The following DNAH9 variants were observed in gnomAD, a reference collection of about 807,000 sequenced individuals.
DNAH9 encodes DNAH9 variant protein.
Under a neutral mutation model 471.6 loss-of-function variants are expected in DNAH9, and 345 were observed. That is an observed-to-expected ratio of 0.73 (90% CI 0.67 to 0.80). DNAH9 has a LOEUF of 0.80. DNAH9 is among the 30% of genes least tolerant of loss of function. The pLI, the probability that DNAH9 is intolerant of heterozygous loss-of-function variation, is 0.00. For missense variants in DNAH9, 5,407 were observed against 5,609.2 expected (o/e 0.96, Z 1.15); for synonymous variants, 2,093 against 2,123.6 (o/e 0.99, Z 0.40).
chr17:11,659,969 A>T (rs1236076785), intron 14 of DNAH9, among the ~76,000 whole-genome samples: 6 of 152,230 alleles, frequency 3.9e-5, no homozygotes, highest in Non-Finnish European at 8.8e-5. Context: ...TTCATTCCTA[A>T]TATTGGCAAT....
intron 5 of DNAH9, among the ~76,000 whole-genome samples, chr17:11,618,547 C>T (rs1204547816): frequency 6.8e-6 from 1 of 148,104 alleles, no homozygotes; most frequent in Non-Finnish European, 1.5e-5. Flanking sequence ...GATTGTGCCA[C>T]TGCACTCCAG....
In DNAH9 at chr17:11,929,970, A is replaced by G. The variant is rs2286303; in HGVS notation, c.11982A>G (p.Pro3994=). The G allele has an allele frequency of 0.3, 491,223 of 1,613,536 alleles. 77,602 individuals are homozygous for G. Among genetic ancestry groups the G allele is most frequent in the Middle Eastern group, 0.34 (2,083 of 6,062 alleles). Residue 3994 remains proline, a synonymous_variant, in exon 63 of 69, where the codon CCA becomes CCG. Transcript: ENST00000262442. ...TCAGGGTCTTCATGAGTGCAGAGCCAGCACCCTCCCCTGAGGGCCACATCA... is the reference window on the plus strand; with the variant it reads ...TCAGGGTCTTCATGAGTGCAGAGCCGGCACCCTCCCCTGAGGGCCACATCA... ...PEFRVFMSAE[P]APSPEGHIIP...
chr17:11,685,810 T>TC (rs1264384455), intron 19 of DNAH9, among the ~76,000 whole-genome samples: 1 of 148,976 alleles, frequency 6.7e-6, no homozygotes, highest in Non-Finnish European at 1.5e-5. Context: ...AATTTTTTTT[T>TC]TTTTTTTTTT....
intron 48 of DNAH9, among the ~76,000 whole-genome samples, chr17:11,824,110 C>T (rs1347458270): frequency 1.3e-5 from 2 of 152,168 alleles, no homozygotes; most frequent in Non-Finnish European, 2.9e-5. Flanking sequence ...CCATCAAATA[C>T]TGCCTCTTTG....
rs910803968 is a variant in DNAH9 at position 11,692,124 on chromosome 17, T to C, written c.4614+1688T>C. Among the ~76,000 whole-genome samples, 6 of 152,118 alleles carry C rather than the reference T, an allele frequency of 3.9e-5. No individual in the cohort carries two copies. In the South Asian group the frequency reaches 6.2e-4, roughly 16 times the overall value. On this transcript the variant is annotated intron_variant, in intron 20 of 68. Coordinates refer to ENST00000262442, the MANE Select transcript of DNAH9 (RefSeq NM_001372.4). ...CCTACCCTCTTGTTTTTAGGTCTTC[T>C]TGGGCAAGGGGCAGGATCACAGAGG...
chr17:11,866,439 C>T (rs1226509317), intron 50 of DNAH9, among the ~76,000 whole-genome samples: 1 of 152,176 alleles, frequency 6.6e-6, no homozygotes, highest in Non-Finnish European at 1.5e-5. Context: ...TGGGGGGTGC[C>T]TCCCAGTTAG....
At chr17:11,615,151 C>G (rs1489153550) in intron 4 of DNAH9, among the ~76,000 whole-genome samples, 2 of 152,134 alleles carry the variant, frequency 1.3e-5, no homozygotes, top group Non-Finnish European at 2.9e-5. Flanking sequence ...GGTAGGAATA[C>G]TGGGAATATT....
At chr17:11,934,435 ATTTTTTTTTT>A (rs547023975) in intron 65 of DNAH9, among the ~76,000 whole-genome samples, 1,116 of 86,010 alleles carry the variant, frequency 0.013, 14 homozygotes, top group Non-Finnish European at 0.015. Context: ...TGACAAACCC[ATTTTTTTTTT>A]TTTTTTTTTT....
At position 11,818,298 on chromosome 17, in the gene DNAH9, G is replaced by A. The variant is rs144262935; in HGVS notation, c.8708-3622G>A. 9.0e-3 allele frequency among the ~76,000 whole-genome samples: 1,367 copies of A among 152,166 alleles called. 29 individuals are homozygous for A. Among genetic ancestry groups the A allele is most frequent in the African/African-American group, 0.031 (1,301 of 41,512 alleles). ...ACGAAAATTAGCTGGGCATGGTGGT[G>A]TGCACCTGTAGTCCCAGCTACCTGG... On this transcript the variant is annotated intron_variant, in intron 45 of 68. Transcript: ENST00000262442.
chr17:11,822,868 A>C lies in DNAH9; in HGVS notation c.9080A>C (p.Gln3027Pro). Residue 3027 changes from glutamine to proline, a missense_variant, in exon 48 of 69, where the codon CAG (glutamine) becomes CCG (proline). Around this residue, in one of 3 missense-constraint regions of DNAH9, gnomAD observed 4,636 missense variants for 4,900.3 expected, o/e 0.95. Coordinates refer to ENST00000262442, the MANE Select transcript of DNAH9 (RefSeq NM_001372.4). The part of the protein sequence containing the change: ...FVHTSVNQTS[Q>P]SYLSNEQRYN... ...CACACAAGTGTCAACCAAACATCCC[A>C]GTCTTATCTGAGCAATGAACAGCGC... The C allele has an allele frequency of 6.2e-7, 1 of 1,614,258 alleles. No individual in the cohort carries two copies.
chr17:11,670,874 T>G (rs1597459915), intron 17 of DNAH9, among the ~76,000 whole-genome samples: 1 of 152,276 alleles, frequency 6.6e-6, no homozygotes, highest in South Asian at 2.1e-4. Flanking sequence ...TGGGTAATTT[T>G]GTACTTTTAG....
At chr17:11,794,005 T>G (rs1969152406) in intron 42 of DNAH9, among the ~76,000 whole-genome samples, 1 of 151,674 alleles carries the variant, frequency 6.6e-6, no homozygotes, top group South Asian at 2.1e-4. Flanking sequence ...GCCGCCATTT[T>G]GGGGCTGCTA....
chr17:11,826,504 A>C (rs1377484130), intron 48 of DNAH9, among the ~76,000 whole-genome samples: 2 of 122,012 alleles, frequency 1.6e-5, no homozygotes, highest in African/African-American at 3.2e-5. Flanking sequence ...TCTGTCGCAC[A>C]GGCTGGAGTG....
At chr17:11,802,103 C>T (rs1969482618) in intron 43 of DNAH9, among the ~76,000 whole-genome samples, 1 of 152,140 alleles carries the variant, frequency 6.6e-6, no homozygotes, top group Non-Finnish European at 1.5e-5. Flanking sequence ...AGACATCAAC[C>T]ACCCGTTACT....
intron 68 of DNAH9, among the ~76,000 whole-genome samples, chr17:11,963,826 T>C (rs1484980031): frequency 1.3e-5 from 2 of 151,958 alleles, no homozygotes; most frequent in Non-Finnish European, 2.9e-5. Context: ...GTTAAACAAA[T>C]TACCTCAAAA....
At chr17:11,636,929 G>GTC in intron 9 of DNAH9, 145 bp downstream of exon 9, 1 of 748,276 alleles carries the variant, frequency 1.3e-6, no homozygotes, top group Non-Finnish European at 2.2e-6. Flanking sequence ...TGAAATTCCA[G>GTC]ACCACCTTGG....
chr17:11,666,809 A>C (rs982200833), intron 15 of DNAH9, among the ~76,000 whole-genome samples: 1 of 152,186 alleles, frequency 6.6e-6, no homozygotes, highest in Non-Finnish European at 1.5e-5. Context: ...CCAAACTGGA[A>C]CACTCACCTT....
intron 51 of DNAH9, among the ~76,000 whole-genome samples, 156 bp downstream of exon 51, chr17:11,869,409 ATG>A (rs1972179691): frequency 6.6e-6 from 1 of 152,208 alleles, no homozygotes; most frequent in Admixed American, 6.5e-5. Context: ...CCTGAGGAAA[ATG>A]TGGATGCATA....
chr17:11,659,822 G>C (rs917800282), intron 14 of DNAH9, among the ~76,000 whole-genome samples: 1 of 152,190 alleles, frequency 6.6e-6, no homozygotes, highest in Non-Finnish European at 1.5e-5. Context: ...TTGGCCCCCT[G>C]GGCCCACCCT....
Sources: allele counts gnomAD v4.1 joint callset (sites outside exome capture counted in the v4.1 genomes callset), GRCh38; gene constraint gnomAD v4.1.1; regional missense constraint gnomAD v4.1.1; transcripts MANE v1.5; gene names NCBI Gene and HGNC (gene_info 2026-07-23, HGNC 2026-07-21).